SYT1: variants seen among roughly 807,000 people sequenced by gnomAD.
SYT1 encodes synaptotagmin 1.
A neutral mutation model predicts 44.8 loss-of-function variants in SYT1; 8 were observed. The ratio of observed to expected loss-of-function variants is 0.18; its 90% CI spans 0.10 to 0.32. SYT1 has a LOEUF of 0.32. Ranked by LOEUF, SYT1 falls within the 10% of genes least tolerant of loss-of-function variation. The pLI is 1.00. For synonymous variants in SYT1, 154 were observed against 188.8 expected (o/e 0.82, Z 1.51); for missense variants, 286 against 509.3 (o/e 0.56, Z 4.22).
intron 3 of SYT1, among the ~76,000 whole-genome samples, chr12:79,168,517 T>C (rs1592812251): frequency 6.6e-6 from 1 of 152,208 alleles, no homozygotes; most frequent in Middle Eastern, 3.4e-3. Flanking sequence ...TGCTAGTTTT[T>C]ACTGGTGACA....
chr12:79,071,466 A>G (rs1239400408), intron 3 of SYT1, among the ~76,000 whole-genome samples: 2 of 152,218 alleles, frequency 1.3e-5, no homozygotes, highest in Non-Finnish European at 2.9e-5. Context: ...AAACACTACT[A>G]TAGATCAGAA....
At chr12:78,974,265 A>G (rs1280623069) in intron 1 of SYT1, among the ~76,000 whole-genome samples, 1 of 151,662 alleles carries the variant, frequency 6.6e-6, no homozygotes, top group Non-Finnish European at 1.5e-5. Flanking sequence ...TGAGACCATC[A>G]TCTTAAATGC....
At chr12:79,153,633 A>G (rs1450278748) in intron 3 of SYT1, among the ~76,000 whole-genome samples, 14 of 152,164 alleles carry the variant, frequency 9.2e-5, no homozygotes, top group Admixed American at 2.6e-4. Context: ...CCTTCTTACT[A>G]TAATGGTTAT....
chr12:78,987,357 G>T (rs920734643), intron 2 of SYT1, among the ~76,000 whole-genome samples: 2 of 152,054 alleles, frequency 1.3e-5, no homozygotes, highest in African/African-American at 4.8e-5. Context: ...GTACTCTGAG[G>T]CTGATGGGCT....
intron 2 of SYT1, among the ~76,000 whole-genome samples, chr12:79,034,135 T>A (rs1872981122): frequency 1.3e-5 from 2 of 151,556 alleles, no homozygotes; most frequent in South Asian, 4.1e-4. Flanking sequence ...ATCATGCTGT[T>A]CAGGCAAAAG....
intron 5 of SYT1, among the ~76,000 whole-genome samples, chr12:79,287,795 T>A (rs1010532923): frequency 5.9e-5 from 9 of 152,106 alleles, no homozygotes; most frequent in African/African-American, 2.2e-4. Flanking sequence ...AGATCTCAAA[T>A]ATAGAGAATT....
intron 2 of SYT1, among the ~76,000 whole-genome samples, chr12:79,039,444 C>T (rs981403876): frequency 2.0e-5 from 3 of 151,844 alleles, no homozygotes; most frequent in Non-Finnish European, 2.9e-5. Context: ...TAATCCTTTG[C>T]TATGTTCACT....
At chr12:79,000,379 C>T (rs750789678) in intron 2 of SYT1, among the ~76,000 whole-genome samples, 5 of 150,844 alleles carry the variant, frequency 3.3e-5, no homozygotes, top group Non-Finnish European at 5.9e-5. Flanking sequence ...ATGCAACCTC[C>T]GCCGCCTGGG....
chr12:79,406,301 T>C (rs1256383704), intron 9 of SYT1, among the ~76,000 whole-genome samples: 1 of 152,108 alleles, frequency 6.6e-6, no homozygotes, highest in Non-Finnish European at 1.5e-5. Context: ...ATCTCAAGCA[T>C]AGAGGTGACC....
intron 4 of SYT1, among the ~76,000 whole-genome samples, chr12:79,236,411 T>C (rs1056366008): frequency 6.6e-6 from 1 of 152,208 alleles, no homozygotes; most frequent in African/African-American, 2.4e-5. Context: ...TTCCATTTCC[T>C]GTTGTTTTAC....
chr12:79,297,441 G>A (rs957130983), intron 7 of SYT1, among the ~76,000 whole-genome samples: 2 of 151,964 alleles, frequency 1.3e-5, no homozygotes, highest in African/African-American at 2.4e-5. Context: ...CTTAACTTAG[G>A]TCAGCAGTTT....
At chr12:78,921,962 T>C (rs2137165688) in intron 1 of SYT1, among the ~76,000 whole-genome samples, 1 of 150,074 alleles carries the variant, frequency 6.7e-6, no homozygotes, top group Middle Eastern at 3.4e-3. Context: ...AGGTAATAAA[T>C]TATATGCTTA....
intron 3 of SYT1, among the ~76,000 whole-genome samples, chr12:79,141,590 G>C (rs905796630): frequency 3.9e-5 from 6 of 152,064 alleles, no homozygotes; most frequent in African/African-American, 1.4e-4. Flanking sequence ...TGTTGTTCTA[G>C]CACTGACAAT....
chr12:79,171,512 G>A (rs564750338), intron 3 of SYT1, among the ~76,000 whole-genome samples: 1 of 151,978 alleles, frequency 6.6e-6, no homozygotes, highest in Admixed American at 6.6e-5. Flanking sequence ...CTATAGAAGA[G>A]GAAGAATCAT....
At chr12:79,060,597 T>C (rs922987869) in intron 3 of SYT1, among the ~76,000 whole-genome samples, 2 of 152,124 alleles carry the variant, frequency 1.3e-5, no homozygotes, top group Non-Finnish European at 2.9e-5. Flanking sequence ...GTAACTAGGT[T>C]ATTTTGTATA....
intron 3 of SYT1, among the ~76,000 whole-genome samples, chr12:79,094,495 C>T: frequency 6.6e-6 from 1 of 151,796 alleles, no homozygotes; most frequent in East Asian, 1.9e-4. Context: ...CATGTATAAA[C>T]ATATACAAAC....
chr12:79,276,418 C>T, intron 4 of SYT1, among the ~76,000 whole-genome samples: 1 of 151,942 alleles, frequency 6.6e-6, no homozygotes, highest in East Asian at 1.9e-4. Flanking sequence ...TGACTCATGC[C>T]TGTAATTCCA....
At chr12:79,221,612 A>G (rs575998056) in intron 4 of SYT1, among the ~76,000 whole-genome samples, 1 of 152,270 alleles carries the variant, frequency 6.6e-6, no homozygotes, top group South Asian at 2.1e-4. Flanking sequence ...TTTTCAAAAA[A>G]CATCTATAGT....
chr12:78,973,934 AAAAAATATATATATATATATAT>A (rs1868594490), intron 1 of SYT1, among the ~76,000 whole-genome samples: 4 of 29,170 alleles, frequency 1.4e-4, no homozygotes, highest in Non-Finnish European at 2.3e-4. Context: ...AAAAAAAAAA[AAAAAATATATATATATATATAT>A]ATATATATAT....
Sources: allele counts gnomAD v4.1 joint callset (sites outside exome capture counted in the v4.1 genomes callset), GRCh38; gene constraint gnomAD v4.1.1; transcripts MANE v1.5; gene names NCBI Gene and HGNC (gene_info 2026-07-23, HGNC 2026-07-21).